Variants in TCF3 observed in about 807,000 individuals in gnomAD.
The protein encoded by TCF3 is transcription factor E2-alpha.
TCF3 carries 54 observed loss-of-function variants against 72.3 expected under a neutral mutation model. The observed-to-expected ratio is 0.75, with a 90% CI of 0.60 to 0.94. The LOEUF (loss-of-function observed/expected upper bound fraction) is 0.94, where lower values mean the gene tolerates loss of function less well. Among genes scored for constraint, TCF3 ranks in the 40% least tolerant of loss-of-function variants. TCF3 has a pLI of 0.00. For missense variants in TCF3, 1,078 were observed against 934.4 expected (o/e 1.15, Z -2.00); for synonymous variants, 525 against 412.6 (o/e 1.27, Z -3.30).
chr19:1,615,916 G>A lies in TCF3; in HGVS notation c.1451-95C>T, dbSNP rs1568336338. 7.1e-7 allele frequency: 1 copy of A among 1,413,722 alleles called. No individual in the cohort carries two copies. 87.6% of individuals were successfully genotyped at this position (1,413,722 alleles called of 1,614,324 possible). On this transcript the variant is annotated intron_variant, in intron 16 of 18. Transcript: ENST00000262965. This position sits in a 1 kb window ranked among gnomAD's most constrained non-coding sequence, Gnocchi z 7.3. ...TGTGGTGAGGGACTTGGGCTTTCCT[G>A]GAAAAACCAGGTCTTGGCCAAAAAT...
At chr19:1,636,755 G>C (rs543561363) in intron 3 of TCF3, among the ~76,000 whole-genome samples, 200 of 152,276 alleles carry the variant, frequency 1.3e-3, no homozygotes, top group South Asian at 2.1e-3. Flanking sequence ...AGGATCCCGA[G>C]TGGGGGAGAA....
At chr19:1,650,380 TA>T in intron 1 of TCF3, 93 bp from the exon 2 acceptor site, 1 of 974,270 alleles carries the variant, frequency 1.0e-6, no homozygotes, top group Non-Finnish European at 1.5e-6. Context: ...AAAAGCCACC[TA>T]AAAAACCCTC....
At chr19:1,621,808 G>C in intron 11 of TCF3, 30 bp downstream of exon 11, 4 of 1,558,478 alleles carry the variant, frequency 2.6e-6, no homozygotes, top group Non-Finnish European at 2.6e-6. Flanking sequence ...TGTCCCCTCG[G>C]AGAGGCCGCA....
At position 1,642,583 on chromosome 19, in the gene TCF3, C is replaced by T. The variant is rs79167061; in HGVS notation, c.145+3772G>A. On this transcript the variant is annotated intron_variant, in intron 3 of 18. Transcript: ENST00000262965. ...GCCATTCACAGGGTCAATCCCCTTCCGAGAAGACCACCGCCCTCTATTAAA... is the reference window on the plus strand; with the variant it reads ...GCCATTCACAGGGTCAATCCCCTTCTGAGAAGACCACCGCCCTCTATTAAA... Among the ~76,000 whole-genome samples the T allele has an allele frequency of 3.2e-3, 483 of 152,274 alleles. 4 individuals carry two copies. The highest frequency in any genetic ancestry group is 0.011 in the African/African-American group (457 of 41,548).
At chr19:1,639,288 C>T (rs2064897994) in intron 3 of TCF3, among the ~76,000 whole-genome samples, 1 of 152,204 alleles carries the variant, frequency 6.6e-6, no homozygotes, top group Admixed American at 6.5e-5. Flanking sequence ...AGAAGATCCA[C>T]CTGCCTTGGC....
In TCF3 at chr19:1,611,360, GTTTT is replaced by G. The variant is rs1343932596; in HGVS notation, c.*343_*346del. ...TGTATGTTTTGTTGCTTGCTTTCAG[GTTTT>G]GTTTACTGGAAAAAAAAAAAATGCT... On this transcript the variant is annotated 3_prime_UTR_variant, in exon 19 of 19. Coordinates refer to ENST00000262965, the MANE Select transcript of TCF3 (RefSeq NM_003200.5). 7.5e-6 allele frequency: 3 copies of G among 399,244 alleles called. No individual in the cohort carries two copies. The highest frequency in any genetic ancestry group is 4.2e-5 in the African/African-American group (2 of 47,518). The allele number at this position is 399,244 out of a possible 1,614,324, so 24.7% of individuals were successfully genotyped here.
intron 3 of TCF3, among the ~76,000 whole-genome samples, chr19:1,644,938 C>A (rs1189351801): frequency 6.6e-6 from 1 of 152,128 alleles, no homozygotes; most frequent in Non-Finnish European, 1.5e-5. Context: ...CACAGGGAAG[C>A]ATTAGCATGT....
chr19:1,619,054 G>A (rs940742494), intron 16 of TCF3, 57 bp downstream of exon 16: 1 of 1,597,492 alleles, frequency 6.3e-7, no homozygotes, highest in Non-Finnish European at 8.5e-7. Flanking sequence ...CCACTAGAGT[G>A]CCTCAGTTTC....
In TCF3 at chr19:1,619,136, C is replaced by T. The variant is rs373639503; in HGVS notation, c.1425G>A (p.Leu475=). 28 of 1,599,898 alleles carry T rather than the reference C, an allele frequency of 1.8e-5. No homozygotes were observed. Among genetic ancestry groups the T allele is most frequent in the Non-Finnish European group, 2.3e-5 (27 of 1,179,770 alleles). ...CACTGTAGGAGTCGGGAGGCCGAGA[C>T]AGGTCAGGGAGGGTGCCTGGCTGGC... ...LPSQPGTLPD[L]SRPPDSYSGL... Residue 475 remains leucine (L), a synonymous_variant, in exon 16 of 19, where the codon CTG becomes CTA. Coordinates refer to ENST00000262965, the MANE Select transcript of TCF3 (RefSeq NM_003200.5).
In TCF3 at chr19:1,634,361, G is replaced by A. The variant is rs573694801; in HGVS notation, c.146-1956C>T. ...TCTGTGATTTCTTTGGTGAAGCACC[G>A]CAGAGTTTTACCCGGGAAGGGCACC... On this transcript the variant is annotated intron_variant, in intron 3 of 18. Transcript: ENST00000262965. 1.6e-4 allele frequency among the ~76,000 whole-genome samples: 25 copies of A among 152,330 alleles called. No individual in the cohort carries two copies. The South Asian group carries it at 2.3e-3, about 14-fold the overall frequency.
chr19:1,620,418 T>C (rs929505488), intron 13 of TCF3, among the ~76,000 whole-genome samples: 1 of 152,154 alleles, frequency 6.6e-6, no homozygotes, highest in African/African-American at 2.4e-5. Context: ...TGCCCTCCCA[T>C]GCCGGAGCAC....
chr19:1,618,742 G>A (rs1042966039), intron 16 of TCF3, among the ~76,000 whole-genome samples: 6 of 152,128 alleles, frequency 3.9e-5, no homozygotes, highest in African/African-American at 1.4e-4. Flanking sequence ...CCAACCCACC[G>A]CAGCCACTTC....
At chr19:1,647,681 C>G (rs777295163) in intron 2 of TCF3, among the ~76,000 whole-genome samples, 10 of 152,222 alleles carry the variant, frequency 6.6e-5, no homozygotes, top group Non-Finnish European at 1.3e-4. Context: ...ATTTGGGAAA[C>G]AAAGGCCTGC....
intron 3 of TCF3, among the ~76,000 whole-genome samples, chr19:1,640,678 A>C (rs2065107345): frequency 6.6e-6 from 1 of 151,936 alleles, no homozygotes. Flanking sequence ...CTTAGCCGGC[A>C]CCTGTAGTCC....
intron 3 of TCF3, among the ~76,000 whole-genome samples, chr19:1,638,938 G>A (rs986991056): frequency 6.6e-6 from 1 of 151,742 alleles, no homozygotes; most frequent in African/African-American, 2.4e-5. Flanking sequence ...ACCAAAGACA[G>A]TTTTGAAACA....
chr19:1,616,437 G>GTAC (rs2061553940), intron 16 of TCF3: 1 of 150,778 alleles, frequency 6.6e-6, no homozygotes, highest in Non-Finnish European at 1.5e-5. Context: ...TTGCGCCACT[G>GTAC]TACTCCAGCC....
At chr19:1,617,286 G>A (rs980492229) in intron 16 of TCF3, among the ~76,000 whole-genome samples, 4 of 152,298 alleles carry the variant, frequency 2.6e-5, no homozygotes, top group South Asian at 4.1e-4. Flanking sequence ...CCCACGCCCG[G>A]GCCAGGGCCA....
In TCF3 at chr19:1,652,283, C is replaced by T. The variant is rs1352979259; in HGVS notation, c.-40+17G>A. On this transcript the variant is annotated intron_variant, in intron 1 of 18. Coordinates refer to ENST00000262965, the MANE Select transcript of TCF3 (RefSeq NM_003200.5). Reference sequence around the variant, plus strand: ...ACGGGGGTACCGGGCGCGCCCCCCGCCCCCCGCCGGGCTCACCTGCTGGGC... The same window carrying T: ...ACGGGGGTACCGGGCGCGCCCCCCGTCCCCCGCCGGGCTCACCTGCTGGGC... 2 of 146,016 alleles carry T rather than the reference C, an allele frequency of 1.4e-5. No homozygotes were observed. Among genetic ancestry groups the T allele is most frequent in the Non-Finnish European group, 3.1e-5 (2 of 65,516 alleles). The allele number at this position is 146,016 out of a possible 1,614,324, so 9.0% of individuals were successfully genotyped here.
intron 18 of TCF3, 82 bp from the exon 19 acceptor site, chr19:1,611,931 G>GGA: frequency 1.2e-5 from 1 of 80,586 alleles, no homozygotes. Context: ...GTAGGATGTC[G>GGA]GGGGGGGGGG....
Sources: gnomAD v4.1 joint callset for allele counts (sites outside exome capture counted in the v4.1 genomes callset) on GRCh38, gnomAD v4.1.1 for gene constraint, Gnocchi (gnomAD v3.1) non-coding constraint, MANE v1.5 for transcripts, NCBI Gene and HGNC (gene_info 2026-07-23, HGNC 2026-07-21) for gene names.